The following PIK3C2B variants were observed in gnomAD, a reference collection of about 807,000 sequenced individuals.
PIK3C2B encodes phosphatidylinositol-4-phosphate 3-kinase catalytic subunit type 2 beta.
In PIK3C2B, 83 loss-of-function variants were observed where a neutral mutation model predicts 184.3. The ratio of observed to expected loss-of-function variants is 0.45; its 90% CI spans 0.38 to 0.54. PIK3C2B has a LOEUF of 0.54. Ranked by LOEUF, PIK3C2B falls within the 20% of genes least tolerant of loss-of-function variation. PIK3C2B has a pLI of 0.00. For synonymous variants in PIK3C2B, 779 were observed against 837.6 expected, an observed-to-expected ratio of 0.93 and a Z score of 1.21; for missense variants, 1,736 against 2,113.5, an observed-to-expected ratio of 0.82 and a Z score of 3.50.
intron 10 of PIK3C2B, 129 bp downstream of exon 10, chr1:204,456,904 ACACC>A (rs553783892): frequency 0.19 from 37,149 of 199,278 alleles, 1,058 homozygotes; most frequent in Admixed American, 0.24. Context: ...ACACACACAC[ACACC>A]CACACACACA....
Position 204,431,656 on chromosome 1 carries a change from AG to A in PIK3C2B, c.4280+12del, listed in dbSNP as rs1675065808. 10 of 1,613,760 alleles carry A rather than the reference AG, an allele frequency of 6.2e-6. No individual in the cohort carries two copies. The East Asian group carries it at 2.0e-4, about 32-fold the overall frequency. Reference sequence around the variant, plus strand: ...CGACATCCCTCTGTGCAGATAGTAAAGGGGGCAGCTACCTGGGCAAGTGGGA... The same window carrying A: ...CGACATCCCTCTGTGCAGATAGTAAAGGGGCAGCTACCTGGGCAAGTGGGA... On this transcript the variant is annotated intron_variant, in intron 28 of 32. Coordinates refer to ENST00000684373, the MANE Select transcript of PIK3C2B (RefSeq NM_001377334.1).
At chr1:204,430,355 T>C (rs1674977668) in intron 28 of PIK3C2B, among the ~76,000 whole-genome samples, 1 of 152,024 alleles carries the variant, frequency 6.6e-6, no homozygotes. Context: ...AAATCCTTTT[T>C]TTTTTTTTGA....
intron 2 of PIK3C2B, chr1:204,467,042 C>G (rs116003674): frequency 3.5e-4 from 158 of 448,612 alleles, no homozygotes; most frequent in African/African-American, 2.8e-3. Context: ...CCGCATTTCC[C>G]CACTCAGAAC....
chr1:204,449,999 C>T lies in PIK3C2B; in HGVS notation c.2085G>A (p.Gln695=), dbSNP rs1279488326. 1 of 1,577,804 alleles carries T rather than the reference C, an allele frequency of 6.3e-7. No homozygotes were observed. Among genetic ancestry groups the T allele is most frequent in the African/African-American group, 1.3e-5 (1 of 74,262 alleles). Residue 695 remains glutamine (Q), a synonymous_variant, in exon 13 of 33, where the codon CAG becomes CAA. Coordinates refer to ENST00000684373, the MANE Select transcript of PIK3C2B (RefSeq NM_001377334.1). The stretch of plus-strand genomic sequence containing the variant: ...GTGTCTCCCGAGGCAGCCGGTTCAC[C>T]TGCACTGGGAAGCAGATCCTATGGA... ...VWDQQICFPV[Q]VNRLPRETLL...
chr1:204,426,493 C>T (rs76729165), intron 31 of PIK3C2B, among the ~76,000 whole-genome samples: 2 of 152,324 alleles, frequency 1.3e-5, no homozygotes, highest in East Asian at 3.9e-4. Context: ...ACCTCCTCAA[C>T]AATGAGGCCT....
intron 1 of PIK3C2B, among the ~76,000 whole-genome samples, chr1:204,490,924 C>CA (rs760980339): frequency 4.2e-4 from 64 of 152,276 alleles, no homozygotes; most frequent in Middle Eastern, 3.4e-3. Flanking sequence ...CAGAAGGCAG[C>CA]AATATGACTT....
At position 204,429,987 on chromosome 1, in the gene PIK3C2B, C is replaced by T. The variant is rs150362646; in HGVS notation, c.4332G>A (p.Glu1444=). ...AACCGTTTAGCTCCTCCCTCCGCCG[C>T]TCGGCCACCGCCTCTCCCCGGGAGC... ...IGRSRGEAVA[E]RRREELNGYI... Residue 1444 remains glutamate, a synonymous_variant, in exon 29 of 33, where the codon GAG becomes GAA. Transcript: ENST00000684373. The T allele has an allele frequency of 2.2e-4, 348 of 1,612,042 alleles. 1 individual carries two copies. The highest frequency in any genetic ancestry group is 3.3e-4 in the Admixed American group (20 of 60,002).
intron 23 of PIK3C2B, among the ~76,000 whole-genome samples, chr1:204,435,117 T>TAAC (rs1397706778): frequency 6.6e-6 from 1 of 152,214 alleles, no homozygotes; most frequent in Admixed American, 6.5e-5. Context: ...GAGTTCTTGG[T>TAAC]AACAGCTAAA....
intron 22 of PIK3C2B, among the ~76,000 whole-genome samples, chr1:204,439,324 T>C (rs972414552): frequency 1.3e-5 from 2 of 152,198 alleles, no homozygotes; most frequent in African/African-American, 2.4e-5. Context: ...ACTATGGGAA[T>C]TTGAAAATAT....
chr1:204,448,919 A>G (rs1654107506), intron 14 of PIK3C2B, among the ~76,000 whole-genome samples: 1 of 152,182 alleles, frequency 6.6e-6, no homozygotes, highest in African/African-American at 2.4e-5. Flanking sequence ...TCAGAAGCTG[A>G]GCCCTGAATG....
At chr1:204,476,650 G>C (rs908666590) in intron 1 of PIK3C2B, among the ~76,000 whole-genome samples, 10 of 152,250 alleles carry the variant, frequency 6.6e-5, no homozygotes, top group Non-Finnish European at 1.2e-4. Context: ...TCGGTCCCTT[G>C]AAAGAGGAAG....
intron 1 of PIK3C2B, among the ~76,000 whole-genome samples, chr1:204,476,919 C>A (rs1055292714): frequency 6.6e-6 from 1 of 152,236 alleles, no homozygotes; most frequent in Non-Finnish European, 1.5e-5. Context: ...TCTGTTACAG[C>A]CAGTTTTCTT....
At chr1:204,436,918 T>C (rs532744446) in intron 23 of PIK3C2B, among the ~76,000 whole-genome samples, 3 of 152,280 alleles carry the variant, frequency 2.0e-5, no homozygotes, top group South Asian at 4.1e-4. Flanking sequence ...TTGAAATGTA[T>C]AGCATAGAGT....
At chr1:204,437,497 A>AAACAAC (rs112930300) in intron 23 of PIK3C2B, among the ~76,000 whole-genome samples, 43 of 150,598 alleles carry the variant, frequency 2.9e-4, no homozygotes, top group East Asian at 1.2e-3. Flanking sequence ...CTCTGTCTCA[A>AAACAAC]AACAACAACA....
At chr1:204,439,842 T>A (rs1254684415) in intron 22 of PIK3C2B, among the ~76,000 whole-genome samples, 1 of 152,150 alleles carries the variant, frequency 6.6e-6, no homozygotes, top group African/African-American at 2.4e-5. Context: ...TCTAGGTTGG[T>A]CCCAAACATT....
At chr1:204,490,083 G>A (rs1657910127) in intron 1 of PIK3C2B, 1 of 396,166 alleles carries the variant, frequency 2.5e-6, no homozygotes, top group African/African-American at 2.1e-5. Context: ...TGGTGGAACA[G>A]TGGCAGGAGT....
Position 204,447,343 on chromosome 1 carries a change from C to T in PIK3C2B, c.2489+93G>A. The T allele has an allele frequency of 1.5e-6, 2 of 1,293,702 alleles. No homozygotes were observed. The highest frequency in any genetic ancestry group is 2.2e-6 in the Non-Finnish European group (2 of 917,818). The allele number at this position is 1,293,702 out of a possible 1,614,324, so 80.1% of individuals were successfully genotyped here. On this transcript the variant is annotated intron_variant, in intron 15 of 32. Coordinates refer to ENST00000684373, the MANE Select transcript of PIK3C2B (RefSeq NM_001377334.1). The surrounding 1 kb of genome is among the most constrained non-coding windows in gnomAD (Gnocchi z 4.1). Reference sequence around the variant, plus strand: ...CCTGCTGAGATGGCAATGCCCACCCCTTCCCACCTCCACTCCCAAAGCAGG... The same window carrying T: ...CCTGCTGAGATGGCAATGCCCACCCTTTCCCACCTCCACTCCCAAAGCAGG...
At chr1:204,434,309 A>G (rs1001422638) in intron 24 of PIK3C2B, 130 bp downstream of exon 24, 2 of 788,038 alleles carry the variant, frequency 2.5e-6, no homozygotes, top group Admixed American at 2.6e-5. Context: ...CTCTCCTCCA[A>G]TGCTGCTCAG....
At chr1:204,445,430 CA>C (rs1653768391) in intron 16 of PIK3C2B, among the ~76,000 whole-genome samples, 1 of 151,782 alleles carries the variant, frequency 6.6e-6, no homozygotes, top group Non-Finnish European at 1.5e-5. Context: ...TTTATCTCTA[CA>C]AAAAAATTTT....
Sources: gnomAD v4.1 joint callset for allele counts (sites outside exome capture counted in the v4.1 genomes callset) on GRCh38, gnomAD v4.1.1 for gene constraint, Gnocchi (gnomAD v3.1) non-coding constraint, MANE v1.5 for transcripts, NCBI Gene and HGNC (gene_info 2026-07-23, HGNC 2026-07-21) for gene names.